DHDDS: variants seen among roughly 807,000 people sequenced by gnomAD.
DHDDS encodes the protein dehydrodolichyl diphosphate synthase complex subunit DHDDS.
In DHDDS, 16 loss-of-function variants were observed where a neutral mutation model predicts 46.2. The observed-to-expected ratio is 0.35, with a 90% CI of 0.23 to 0.53. The LOEUF (loss-of-function observed/expected upper bound fraction) is 0.53, where lower values mean the gene tolerates loss of function less well. Ranked by LOEUF, DHDDS falls within the 20% of genes least tolerant of loss-of-function variation. The probability of loss-of-function intolerance (pLI) is 0.94; values close to 1 mark genes in which losing one functional copy is unlikely to be tolerated. For missense variants in DHDDS, 340 were observed against 423.7 expected (o/e 0.80, Z 1.73); for synonymous variants, 151 against 163.1 (o/e 0.93, Z 0.56).
intron 8 of DHDDS, among the ~76,000 whole-genome samples, chr1:26,460,367 T>C (rs1021970839): frequency 5.3e-5 from 8 of 152,206 alleles, no homozygotes; most frequent in African/African-American, 1.9e-4. Context: ...GAAGTCTTAT[T>C]AGCCCCTCCC....
chr1:26,443,586 TA>T (rs2075239516), intron 4 of DHDDS, among the ~76,000 whole-genome samples: 1 of 152,188 alleles, frequency 6.6e-6, no homozygotes, highest in African/African-American at 2.4e-5. Context: ...CCGAAAGTCT[TA>T]GTTACAACTG....
At chr1:26,451,448 G>T (rs1027677721) in intron 6 of DHDDS, among the ~76,000 whole-genome samples, 2 of 113,786 alleles carry the variant, frequency 1.8e-5, no homozygotes, top group Non-Finnish European at 3.6e-5. Flanking sequence ...GTGTGTGTGT[G>T]TGTATTTTTG....
intron 8 of DHDDS, among the ~76,000 whole-genome samples, chr1:26,463,879 GT>G (rs1341894542): frequency 6.6e-6 from 1 of 152,040 alleles, no homozygotes; most frequent in Non-Finnish European, 1.5e-5. Flanking sequence ...AGACACTTAG[GT>G]TGTGGCCATA....
intron 4 of DHDDS, among the ~76,000 whole-genome samples, 170 bp from the exon 5 acceptor site, chr1:26,446,142 GAAGT>G (rs1261168473): frequency 1.3e-5 from 2 of 152,228 alleles, no homozygotes; most frequent in Non-Finnish European, 2.9e-5. Flanking sequence ...CCTTGGCACT[GAAGT>G]AAGTTTCTTT....
chr1:26,433,465 A>G (rs964074211), intron 2 of DHDDS, among the ~76,000 whole-genome samples: 2 of 152,184 alleles, frequency 1.3e-5, no homozygotes, highest in African/African-American at 2.4e-5. Flanking sequence ...CCTGGGCAAC[A>G]TGGCAAAACC....
At chr1:26,457,953 CTG>C (rs1557447424) in intron 7 of DHDDS, 48 bp downstream of exon 7, 1 of 1,514,492 alleles carries the variant, frequency 6.6e-7, no homozygotes. Flanking sequence ...GGGAAACCAA[CTG>C]TATCCACAGA....
At position 26,469,119 on chromosome 1, in the gene DHDDS, T is replaced by C. The variant is rs773902080; in HGVS notation, c.990T>C (p.Thr330=). ...KRADWLARLG[T]ASA ...CTGACTGGCTGGCCCGTCTGGGCAC[T>C]GCATCAGCCTGAATGAGGCTGGCCA... The change falls in exon 9 of 9, where the codon ACT becomes ACC. Residue 330 remains threonine (T), a synonymous_variant. Coordinates refer to ENST00000236342, the MANE Select transcript of DHDDS (RefSeq NM_205861.3). The C allele has an allele frequency of 1.6e-4, 265 of 1,611,882 alleles. No individual in the cohort carries two copies. The highest frequency in any genetic ancestry group is 4.2e-4 in the Admixed American group (25 of 60,008).
chr1:26,435,100 C>T (rs1013427863), intron 2 of DHDDS, among the ~76,000 whole-genome samples: 5 of 151,812 alleles, frequency 3.3e-5, no homozygotes, highest in Non-Finnish European at 5.9e-5. Flanking sequence ...CCCTCTGCCT[C>T]CCCGGTTCAA....
chr1:26,440,434 T>C (rs544849510), intron 3 of DHDDS, among the ~76,000 whole-genome samples: 2 of 152,356 alleles, frequency 1.3e-5, no homozygotes, highest in African/African-American at 2.4e-5. Context: ...CAGCGAGTTA[T>C]GTAGCTTCCC....
At chr1:26,468,812 C>CCCCCCCCCCCACCCCCA in intron 8 of DHDDS, 83 bp from the exon 9 acceptor site, 3 of 601,118 alleles carry the variant, frequency 5.0e-6, no homozygotes, top group Non-Finnish European at 5.6e-6. Flanking sequence ...CCACCCTGTG[C>CCCCCCCCCCCACCCCCA]CCCACCCCCT....
intron 6 of DHDDS, among the ~76,000 whole-genome samples, chr1:26,457,334 G>A (rs1419827177): frequency 2.0e-5 from 3 of 151,124 alleles, no homozygotes; most frequent in Non-Finnish European, 4.4e-5. Context: ...TTAGCAGGGT[G>A]TGGTGGCGGG....
At chr1:26,460,234 T>C in intron 8 of DHDDS, 90 bp downstream of exon 8, 1 of 1,017,078 alleles carries the variant, frequency 9.8e-7, no homozygotes, top group South Asian at 1.3e-5. Context: ...TACCAGGCAC[T>C]TCCTAATAAG....
chr1:26,465,227 A>G (rs541940457), intron 8 of DHDDS, among the ~76,000 whole-genome samples: 1 of 152,338 alleles, frequency 6.6e-6, no homozygotes, highest in South Asian at 2.1e-4. Context: ...GAAAAGACAC[A>G]TGTTCCCACG....
chr1:26,447,278 C>T (rs947187309), intron 5 of DHDDS, among the ~76,000 whole-genome samples: 1 of 152,070 alleles, frequency 6.6e-6, no homozygotes, highest in Non-Finnish European at 1.5e-5. Flanking sequence ...CGAGATCACG[C>T]CATTGCACTT....
chr1:26,454,878 G>C (rs2075356298), intron 6 of DHDDS: 5 of 1,593,668 alleles, frequency 3.1e-6, no homozygotes, highest in Non-Finnish European at 4.3e-6. Context: ...AAACCCTTAA[G>C]TTCAGCATTA....
chr1:26,442,788 A>C lies in DHDDS; in HGVS notation c.238A>C (p.Ile80Leu), dbSNP rs775824004. 1.9e-6 allele frequency: 3 copies of C among 1,614,158 alleles called. No homozygotes were observed. In the South Asian group the frequency reaches 3.3e-5, roughly 18 times the overall value. Residue 80 changes from isoleucine to leucine, a missense_variant, in exon 4 of 9, where the codon ATT becomes CTT. Ile to Leu is a conservative substitution (Grantham distance 5, BLOSUM62 2). This residue lies in a region of DHDDS where 72 missense variants were observed against 123.5 expected (regional missense o/e 0.58). Coordinates refer to ENST00000236342, the MANE Select transcript of DHDDS (RefSeq NM_205861.3). ...AGAGGTGACAGTCTACGCATTCAGC[A>C]TTGAGAACTTCAAACGCTCCAAGAG... ...ILEVTVYAFS[I>L]ENFKRSKSEV...
chr1:26,440,741 G>A (rs1014049459), intron 3 of DHDDS, among the ~76,000 whole-genome samples: 4 of 152,096 alleles, frequency 2.6e-5, no homozygotes, highest in Non-Finnish European at 5.9e-5. Context: ...TTGTTTGCTT[G>A]TATGTTTGTT....
chr1:26,439,967 C>T (rs943573368), intron 3 of DHDDS, among the ~76,000 whole-genome samples: 3 of 147,338 alleles, frequency 2.0e-5, no homozygotes, highest in Admixed American at 6.6e-5. Context: ...GGTGAAACCC[C>T]ATCTCTATTA....
chr1:26,450,838 G>A (rs540465074), intron 6 of DHDDS, among the ~76,000 whole-genome samples: 7 of 152,116 alleles, frequency 4.6e-5, no homozygotes, highest in Admixed American at 3.3e-4. Flanking sequence ...AGGTACTTTC[G>A]TAGTTCATTA....
Sources: gnomAD v4.1 joint callset for allele counts (sites outside exome capture counted in the v4.1 genomes callset) on GRCh38, gnomAD v4.1.1 for gene constraint, gnomAD v4.1.1 regional missense constraint, MANE v1.5 for transcripts, NCBI Gene and HGNC (gene_info 2026-07-23, HGNC 2026-07-21) for gene names.